Variants in GOLGA2 observed in about 807,000 individuals in gnomAD.
GOLGA2 encodes the protein golgin subfamily A member 2.
A neutral mutation model predicts 148.8 loss-of-function variants in GOLGA2; 49 were observed. The observed-to-expected ratio is 0.33, with a 90% CI of 0.26 to 0.42. The LOEUF (loss-of-function observed/expected upper bound fraction) is 0.42. Ranked by LOEUF, GOLGA2 falls within the 10% of genes least tolerant of loss-of-function variation. The probability of loss-of-function intolerance (pLI) is 1.00; values close to 1 mark genes in which losing one functional copy is unlikely to be tolerated. For missense variants in GOLGA2, 1,178 were observed against 1,304.6 expected (o/e 0.90, Z 1.49); for synonymous variants, 501 against 511.8 (o/e 0.98, Z 0.28).
Position 128,261,338 on chromosome 9 carries a change from G to A in GOLGA2, c.1333-79C>T, listed in dbSNP as rs546290148. On this transcript the variant is annotated intron_variant, in intron 16 of 26. Transcript: ENST00000611957. The surrounding 1 kb of genome is among the most constrained non-coding windows in gnomAD (Gnocchi z 5.7). ...GCTACCATCTCCCTCTGCCCCCACC[G>A]CCACAAAGCCCAGACCCATGACCAC... 7.2e-5 allele frequency: 93 copies of A among 1,296,898 alleles called. No homozygotes were observed. In the East Asian group the frequency reaches 1.2e-3, roughly 16 times the overall value. 80.3% of individuals were successfully genotyped at this position (1,296,898 alleles called of 1,614,324 possible). A position where few individuals can be genotyped will look rare whatever the true frequency, so the allele number is the denominator to read the frequency against.
Position 128,266,855 on chromosome 9 carries a change from A to T in GOLGA2, c.642+339T>A. ...CAAGGAGGAGAGGTGGCTTGTCCCA[A>T]ATCAAAGAGCAAATTAAGGACTGAG... On this transcript the variant is annotated intron_variant, in intron 8 of 26. Coordinates refer to ENST00000611957, the MANE Select transcript of GOLGA2 (RefSeq NM_001366244.2). This position sits in a 1 kb window ranked among gnomAD's most constrained non-coding sequence, Gnocchi z 4.2. 2.4e-6 allele frequency: 1 copy of T among 422,014 alleles called. No homozygotes were observed. The allele number at this position is 422,014 out of a possible 1,614,324, so 26.1% of individuals were successfully genotyped here. A position where few individuals can be genotyped will look rare whatever the true frequency, so the allele number is the denominator to read the frequency against.
In GOLGA2 at chr9:128,260,231, G is replaced by A. The variant is rs368103650; in HGVS notation, c.1759-42C>T. 2.0e-4 allele frequency: 287 copies of A among 1,466,132 alleles called. No individual in the cohort carries two copies. Among genetic ancestry groups the A allele is most frequent in the Non-Finnish European group, 2.5e-4 (264 of 1,056,194 alleles). The allele number at this position is 1,466,132 out of a possible 1,614,324, so 90.8% of individuals were successfully genotyped here. A position where few individuals can be genotyped will look rare whatever the true frequency, so the allele number is the denominator to read the frequency against. On this transcript the variant is annotated intron_variant, in intron 18 of 26. Coordinates refer to ENST00000611957, the MANE Select transcript of GOLGA2 (RefSeq NM_001366244.2). The surrounding 1 kb of genome is among the most constrained non-coding windows in gnomAD (Gnocchi z 4.8). ...AATCAGCGGCCACCCACTGCAGCTG[G>A]AGACCCCAGAACTTGCTGCCTTGGT...
In GOLGA2 at chr9:128,272,806, G is replaced by A. The variant is rs948918983; in HGVS notation, c.267C>T (p.Leu89=). The A allele has an allele frequency of 2.7e-5, 34 of 1,267,482 alleles. 1 individual carries two copies. Among genetic ancestry groups the A allele is most frequent in the Middle Eastern group, 3.0e-4 (1 of 3,382 alleles). The allele number at this position is 1,267,482 out of a possible 1,614,324, so 78.5% of individuals were successfully genotyped here. Residue 89 remains leucine, a synonymous_variant, in exon 3 of 27, where the codon CTC becomes CTT. Coordinates refer to ENST00000611957, the MANE Select transcript of GOLGA2 (RefSeq NM_001366244.2). The part of the protein sequence containing the change: ...SDLNRSNGVA[L]PPLDKWKTPK... ...TCACCTTCCACTTGTCCAATGGGGG[G>A]AGCGCTACCCCATTGGAACGGTTAA... is the stretch of plus-strand genomic sequence containing the variant.
In GOLGA2 at chr9:128,259,281, C is replaced by T; in HGVS notation, c.1983G>A (p.Glu661=). ...GCAGCAGTAGCTGATTATGCAGCACCTCCTTCTCAGAGGTCAGCTGCTGAT... is the reference window on the plus strand; with the variant it reads ...GCAGCAGTAGCTGATTATGCAGCACTTCCTTCTCAGAGGTCAGCTGCTGAT... ...AAYQQLTSEK[E]VLHNQLLLQT... Residue 661 remains glutamate (E), a synonymous_variant, in exon 20 of 27, where the codon GAG becomes GAA. Transcript: ENST00000611957. 6.2e-7 allele frequency: 1 copy of T among 1,612,066 alleles called. No individual in the cohort carries two copies. Among genetic ancestry groups the T allele is most frequent in the African/African-American group, 1.3e-5 (1 of 75,006 alleles).
Position 128,257,202 on chromosome 9 carries a change from G to A in GOLGA2, c.2955C>T (p.Pro985=), listed in dbSNP as rs138565267. The A allele has an allele frequency of 7.0e-5, 113 of 1,613,826 alleles. No homozygotes were observed. Among genetic ancestry groups the A allele is most frequent in the Non-Finnish European group, 9.2e-5 (109 of 1,179,926 alleles). Residue 985 remains proline (P), a synonymous_variant, in exon 27 of 27, where the codon CCC becomes CCT. Transcript: ENST00000611957. This position sits in a 1 kb window ranked among gnomAD's most constrained non-coding sequence, Gnocchi z 8.0. ...GCAGCTGCATGATCTGCTGTGCAGTGGGGTTGTCACGGGGAGAACCCTCCC... is the reference window on the plus strand; with the variant it reads ...GCAGCTGCATGATCTGCTGTGCAGTAGGGTTGTCACGGGGAGAACCCTCCC... ...EAREGSPRDN[P]TAQQIMQLLR... is the part of the protein sequence containing the mutation.
intron 20 of GOLGA2, 25 bp from the exon 21 acceptor site, chr9:128,259,107 G>A: frequency 1.2e-6 from 2 of 1,606,602 alleles, no homozygotes; most frequent in Non-Finnish European, 1.7e-6. Flanking sequence ...AAGAGAGTGA[G>A]AAGGCATGGA....
chr9:128,269,236 A>G (rs1411394665), intron 3 of GOLGA2, among the ~76,000 whole-genome samples: 1 of 151,890 alleles, frequency 6.6e-6, no homozygotes, highest in African/African-American at 2.4e-5. Flanking sequence ...GGTGTGAGCC[A>G]TTGCACTTGG....
intron 3 of GOLGA2, among the ~76,000 whole-genome samples, chr9:128,268,957 G>A (rs1830769724): frequency 6.6e-6 from 1 of 151,982 alleles, no homozygotes; most frequent in Admixed American, 6.6e-5. Flanking sequence ...AGTTGTCTGG[G>A]CAATGCACAA....
At chr9:128,267,666 G>A (rs1392326084) in intron 6 of GOLGA2, 149 bp from the exon 7 acceptor site, 1 of 694,286 alleles carries the variant, frequency 1.4e-6, no homozygotes, top group Non-Finnish European at 2.6e-6. Flanking sequence ...TTCTCTCATG[G>A]TTCTTATTTC....
In GOLGA2 at chr9:128,257,918, T is replaced by C. The variant is rs746205926; in HGVS notation, c.2509-26A>G. The stretch of plus-strand genomic sequence containing the variant: ...CTGGAACCAAAATAATGGAGTCATA[T>C]ATCGGCAGCGACCTGCCCCGCCCCC... On this transcript the variant is annotated intron_variant, in intron 23 of 26. Transcript: ENST00000611957. This position sits in a 1 kb window ranked among gnomAD's most constrained non-coding sequence, Gnocchi z 8.0. The C allele has an allele frequency of 5.0e-6, 8 of 1,611,486 alleles. No individual in the cohort carries two copies. The South Asian group carries it at 8.8e-5, about 18-fold the overall frequency.
chr9:128,268,283 A>C (rs1830720626), intron 4 of GOLGA2, 123 bp from the exon 5 acceptor site: 1 of 1,133,832 alleles, frequency 8.8e-7, no homozygotes, highest in East Asian at 2.3e-5. Flanking sequence ...TCAAGGAAAA[A>C]AGCCCAGTCT....
At chr9:128,265,138 G>T (rs144329491) in intron 12 of GOLGA2, among the ~76,000 whole-genome samples, 1 of 152,202 alleles carries the variant, frequency 6.6e-6, no homozygotes, top group Non-Finnish European at 1.5e-5. Flanking sequence ...TCTTCCAGCC[G>T]TGCTGTTCCT....
Position 128,265,770 on chromosome 9 carries a change from G to A in GOLGA2, c.826+18C>T. 6.2e-7 allele frequency: 1 copy of A among 1,611,728 alleles called. No homozygotes were observed. Among genetic ancestry groups the A allele is most frequent in the South Asian group, 1.1e-5 (1 of 91,018 alleles). On this transcript the variant is annotated intron_variant, in intron 11 of 26. Transcript: ENST00000611957. ...CAAAGTGCCAGGTTGAAGGATGATGGGGTGCCCAGATTCCCACCTTCTTTC... is the reference window on the plus strand; with the variant it reads ...CAAAGTGCCAGGTTGAAGGATGATGAGGTGCCCAGATTCCCACCTTCTTTC...
chr9:128,257,928 G>A lies in GOLGA2; in HGVS notation c.2509-36C>T, dbSNP rs374134692. 57 of 1,607,690 alleles carry A rather than the reference G, an allele frequency of 3.5e-5. No individual in the cohort carries two copies. The highest frequency in any genetic ancestry group is 4.3e-5 in the Non-Finnish European group (50 of 1,174,532). ...AATAATGGAGTCATATATCGGCAGC[G>A]ACCTGCCCCGCCCCCACCCTTCTTG... On this transcript the variant is annotated intron_variant, in intron 23 of 26. Transcript: ENST00000611957. This position sits in a 1 kb window ranked among gnomAD's most constrained non-coding sequence, Gnocchi z 8.0.
At chr9:128,264,383 C>T (rs537810623) in intron 12 of GOLGA2, among the ~76,000 whole-genome samples, 5 of 149,826 alleles carry the variant, frequency 3.3e-5, no homozygotes, top group East Asian at 2.0e-4. Flanking sequence ...TACAGGCATG[C>T]GCCATCATGC....
chr9:128,270,475 T>C (rs1249666463), intron 3 of GOLGA2, among the ~76,000 whole-genome samples: 1 of 152,120 alleles, frequency 6.6e-6, no homozygotes, highest in Non-Finnish European at 1.5e-5. Context: ...CATAGCATGA[T>C]TATTTTGTGA....
At position 128,257,374 on chromosome 9, in the gene GOLGA2, T is replaced by C; in HGVS notation, c.2870A>G (p.Gln957Arg). 1 of 1,613,078 alleles carries C rather than the reference T, an allele frequency of 6.2e-7. No individual in the cohort carries two copies. The highest frequency in any genetic ancestry group is 8.5e-7 in the Non-Finnish European group (1 of 1,179,990). Residue 957 changes from glutamine (Q) to arginine (R), a missense_variant, in exon 26 of 27, where the codon CAG (glutamine) becomes CGG (arginine). Gln to Arg is a conservative substitution (Grantham distance 43, BLOSUM62 1). Around this residue, in one of 5 missense-constraint regions of GOLGA2, gnomAD observed 149 missense variants for 154.9 expected, o/e 0.96. Transcript: ENST00000611957. The surrounding 1 kb of genome is among the most constrained non-coding windows in gnomAD (Gnocchi z 8.0). ...APQELGAANQ[Q>R]GDLCEVSLAG... ...CTCCCGAGGGCTCTACTCACCACCC[T>C]GCTGGTTGGCAGCCCCAAGTTCCTG...
intron 13 of GOLGA2, 65 bp downstream of exon 13, chr9:128,262,969 A>G: frequency 1.9e-6 from 2 of 1,030,684 alleles, no homozygotes; most frequent in Non-Finnish European, 3.1e-6. Flanking sequence ...TGTACCCCCC[A>G]CCTCCCAGCA....
At chr9:128,275,149 C>T (rs1033601370) in intron 1 of GOLGA2, among the ~76,000 whole-genome samples, 1 of 152,162 alleles carries the variant, frequency 6.6e-6, no homozygotes, top group East Asian at 1.9e-4. Flanking sequence ...GCTTTTCACA[C>T]TGTCAATGTC....
Sources: allele counts gnomAD v4.1 joint callset (sites outside exome capture counted in the v4.1 genomes callset), GRCh38; gene constraint gnomAD v4.1.1; regional missense constraint gnomAD v4.1.1; non-coding constraint Gnocchi (gnomAD v3.1); transcripts MANE v1.5; gene names NCBI Gene and HGNC (gene_info 2026-07-23, HGNC 2026-07-21).